Variants in LHFPL3 observed in about 807,000 individuals in gnomAD.
LHFPL3 encodes LHFPL tetraspan subfamily member 3 protein.
Under a neutral mutation model 19.3 loss-of-function variants are expected in LHFPL3, and 5 were observed. That is an observed-to-expected ratio of 0.26 (90% CI 0.14 to 0.54). The LOEUF is 0.54. Ranked by LOEUF, LHFPL3 falls within the 20% of genes least tolerant of loss-of-function variation. The pLI is 0.94. For synonymous variants in LHFPL3, 133 were observed against 126.2 expected (o/e 1.05, Z -0.36); for missense variants, 249 against 307.4 (o/e 0.81, Z 1.42).
In LHFPL3 at chr7:104,375,857, C is replaced by A. The variant is rs554308889; in HGVS notation, c.445+46633C>A. Among the ~76,000 whole-genome samples, 81 of 152,300 alleles carry A rather than the reference C, an allele frequency of 5.3e-4. 1 individual carries two copies. Among genetic ancestry groups the A allele is most frequent in the Middle Eastern group, 6.8e-3 (2 of 294 alleles). ...GTTCTCTAGCATCATGTCTTTCTTA[C>A]CTATTAATGTTCTATATGAAACGGT... On this transcript the variant is annotated intron_variant, in intron 1 of 2. Transcript: ENST00000424859.
rs578052861 is a variant in LHFPL3, at chr7:104,721,547, A to T, written c.446-15128A>T. Among the ~76,000 whole-genome samples the T allele has an allele frequency of 2.0e-5, 3 of 152,180 alleles. No homozygotes were observed. In the East Asian group the frequency reaches 5.8e-4, roughly 29 times the overall value. ...AGAACTTAAAGTATAATTAAAAAAA[A>T]AAATCAGGCCAGCCTGATGTAGGAT... is the stretch of plus-strand genomic sequence containing the variant. On this transcript the variant is annotated intron_variant, in intron 1 of 2. Transcript: ENST00000424859.
chr7:104,596,134 T>A (rs1790853061), intron 1 of LHFPL3, among the ~76,000 whole-genome samples: 1 of 152,260 alleles, frequency 6.6e-6, no homozygotes, highest in African/African-American at 2.4e-5. Flanking sequence ...ATCACCCGTC[T>A]TCCATGTTGA....
chr7:104,665,235 A>G lies in LHFPL3; in HGVS notation c.446-71440A>G, dbSNP rs564826328. Among the ~76,000 whole-genome samples, 76 of 140,076 alleles carry G rather than the reference A, an allele frequency of 5.4e-4. 1 individual carries two copies. In the South Asian group the frequency reaches 0.013, roughly 24 times the overall value. The allele number at this position is 140,076 out of a possible 152,430, so 91.9% of individuals were successfully genotyped here. A position where few individuals can be genotyped will look rare whatever the true frequency, so the allele number is the denominator to read the frequency against. Reference sequence around the variant, plus strand: ...TATCTACAAATGTAGCATCTACTAGAAAGTGGTAGTTTGTGTATCTATAAT... The same window carrying G: ...TATCTACAAATGTAGCATCTACTAGGAAGTGGTAGTTTGTGTATCTATAAT... On this transcript the variant is annotated intron_variant, in intron 1 of 2. Transcript: ENST00000424859.
chr7:104,674,323 G>T (rs1267859577), intron 1 of LHFPL3, among the ~76,000 whole-genome samples: 2 of 149,968 alleles, frequency 1.3e-5, no homozygotes, highest in African/African-American at 4.9e-5. Context: ...TTGACCATTT[G>T]ATTAAATTTG....
At chr7:104,520,281 A>C (rs1794029594) in intron 1 of LHFPL3, among the ~76,000 whole-genome samples, 1 of 150,956 alleles carries the variant, frequency 6.6e-6, no homozygotes. Flanking sequence ...CCAGCCTTGC[A>C]TCCCAGGGAT....
At chr7:104,489,785 G>T (rs1271607012) in intron 1 of LHFPL3, among the ~76,000 whole-genome samples, 1 of 152,118 alleles carries the variant, frequency 6.6e-6, no homozygotes, top group Non-Finnish European at 1.5e-5. Flanking sequence ...AATTTAGGAA[G>T]ATTTGGCTTT....
At chr7:104,538,602 G>T (rs1304700185) in intron 1 of LHFPL3, among the ~76,000 whole-genome samples, 1 of 152,174 alleles carries the variant, frequency 6.6e-6, no homozygotes, top group Non-Finnish European at 1.5e-5. Flanking sequence ...TTAGAAGGAG[G>T]TACTTGCCCA....
intron 1 of LHFPL3, among the ~76,000 whole-genome samples, chr7:104,430,381 T>C (rs1234226122): frequency 2.3e-4 from 13 of 56,326 alleles, no homozygotes; most frequent in Non-Finnish European, 4.1e-4. Context: ...TATATATATA[T>C]ACATATATAT....
At chr7:104,838,278 G>A (rs183123246) in intron 2 of LHFPL3, among the ~76,000 whole-genome samples, 118 of 152,322 alleles carry the variant, frequency 7.7e-4, no homozygotes, top group African/African-American at 2.8e-3. Flanking sequence ...GAAATGGCTA[G>A]TTCTGTGCAA....
chr7:104,541,710 T>C (rs756537606), intron 1 of LHFPL3, among the ~76,000 whole-genome samples: 1 of 152,200 alleles, frequency 6.6e-6, no homozygotes, highest in Non-Finnish European at 1.5e-5. Flanking sequence ...TATAGTAACA[T>C]GCTTCTGTAC....
intron 1 of LHFPL3, among the ~76,000 whole-genome samples, chr7:104,486,820 T>C (rs1248257989): frequency 6.6e-6 from 1 of 152,200 alleles, no homozygotes; most frequent in Non-Finnish European, 1.5e-5. Flanking sequence ...TGTTTTTCCC[T>C]AACTTCATCT....
rs1046923551 is a variant in LHFPL3 at position 104,524,328 on chromosome 7, G to A, written c.445+195104G>A. ...TCGGGAAGACAGTCAAGGAAGGCCG[G>A]GCAAGGGACTCCAAAGTTAAAGAGA... On this transcript the variant is annotated intron_variant, in intron 1 of 2. Transcript: ENST00000424859. 4.5e-4 allele frequency among the ~76,000 whole-genome samples: 69 copies of A among 152,240 alleles called. 1 individual carries two copies. The highest frequency in any genetic ancestry group is 1.7e-3 in the African/African-American group (69 of 41,546).
At chr7:104,504,547 C>T (rs1441757595) in intron 1 of LHFPL3, among the ~76,000 whole-genome samples, 1 of 152,144 alleles carries the variant, frequency 6.6e-6, no homozygotes, top group Non-Finnish European at 1.5e-5. Context: ...TAGCAATCCT[C>T]CTGATTGAGA....
In LHFPL3 at chr7:104,803,276, CAA is replaced by C. The variant is rs149768649; in HGVS notation, c.682+66366_682+66367del. ...CTTTACACTATATACATGCCTATGG[CAA>C]CCAGAAAGCCACAAGTACCAGTTTC... On this transcript the variant is annotated intron_variant, in intron 2 of 2. Coordinates refer to ENST00000424859, the MANE Select transcript of LHFPL3 (RefSeq NM_199000.3). 2.1e-3 allele frequency among the ~76,000 whole-genome samples: 313 copies of C among 152,302 alleles called. 2 individuals carry two copies. Among genetic ancestry groups the C allele is most frequent in the African/African-American group, 7.2e-3 (301 of 41,550 alleles).
intron 2 of LHFPL3, among the ~76,000 whole-genome samples, chr7:104,821,964 G>A (rs1790684549): frequency 6.6e-6 from 1 of 152,202 alleles, no homozygotes; most frequent in Non-Finnish European, 1.5e-5. Context: ...CATATAGTAA[G>A]AAAATGTCAA....
chr7:104,808,707 C>T lies in LHFPL3; in HGVS notation c.682+71796C>T, dbSNP rs550787214. 3.9e-5 allele frequency among the ~76,000 whole-genome samples: 6 copies of T among 152,132 alleles called. 1 individual carries two copies. The highest frequency in any genetic ancestry group is 3.9e-4 in the East Asian group (2 of 5,172). Reference sequence around the variant, plus strand: ...ATCAACTTGTAGTAATTACACACAACGCAAGCCAATGTTTATTAGATACTC... The same window carrying T: ...ATCAACTTGTAGTAATTACACACAATGCAAGCCAATGTTTATTAGATACTC... On this transcript the variant is annotated intron_variant, in intron 2 of 2. Coordinates refer to ENST00000424859, the MANE Select transcript of LHFPL3 (RefSeq NM_199000.3).
At chr7:104,384,613 C>A (rs1363485012) in intron 1 of LHFPL3, among the ~76,000 whole-genome samples, 1 of 151,376 alleles carries the variant, frequency 6.6e-6, no homozygotes, top group African/African-American at 2.4e-5. Context: ...ATGGAGAAAC[C>A]CCATCTCTAT....
intron 1 of LHFPL3, among the ~76,000 whole-genome samples, chr7:104,345,932 C>G (rs1470477779): frequency 2.6e-5 from 4 of 152,144 alleles, no homozygotes; most frequent in Non-Finnish European, 4.4e-5. Context: ...TAGTGCTCCA[C>G]TACATCTTTG....
At chr7:104,615,812 T>A (rs1791324213) in intron 1 of LHFPL3, among the ~76,000 whole-genome samples, 1 of 152,084 alleles carries the variant, frequency 6.6e-6, no homozygotes, top group Non-Finnish European at 1.5e-5. Flanking sequence ...TGCCGAATGA[T>A]GGTTTCCAGC....
Sources: gnomAD v4.1 joint callset for allele counts (sites outside exome capture counted in the v4.1 genomes callset) on GRCh38, gnomAD v4.1.1 for gene constraint, MANE v1.5 for transcripts, NCBI Gene and HGNC (gene_info 2026-07-23, HGNC 2026-07-21) for gene names.